Variants in NCKAP5 observed in about 807,000 individuals in gnomAD.
NCKAP5 encodes NCK associated protein 5.
A neutral mutation model predicts 167.0 loss-of-function variants in NCKAP5; 92 were observed. The observed-to-expected ratio is 0.55, with a 90% CI of 0.47 to 0.66. The LOEUF is 0.66. Ranked by LOEUF, NCKAP5 falls within the 30% of genes least tolerant of loss-of-function variation. NCKAP5 has a pLI of 0.00. For synonymous variants in NCKAP5, 891 were observed against 877.4 expected, an observed-to-expected ratio of 1.02 and a Z score of -0.27; for missense variants, 2,378 against 2,315.0, an observed-to-expected ratio of 1.03 and a Z score of -0.56.
chr2:132,725,568 T>C (rs923830232), intron 19 of NCKAP5, 59 bp downstream of exon 19: 6 of 1,546,770 alleles, frequency 3.9e-6, no homozygotes, highest in African/African-American at 1.4e-5. Flanking sequence ...GTGAAAGGTA[T>C]AATCAGCGGC....
chr2:133,152,715 T>C (rs2083425760), intron 5 of NCKAP5, among the ~76,000 whole-genome samples: 1 of 152,212 alleles, frequency 6.6e-6, no homozygotes, highest in African/African-American at 2.4e-5. Flanking sequence ...ATTCCAAGTA[T>C]AGTCATGTGC....
At chr2:133,022,367 G>C (rs1049582363) in intron 6 of NCKAP5, among the ~76,000 whole-genome samples, 3 of 152,178 alleles carry the variant, frequency 2.0e-5, no homozygotes, top group African/African-American at 4.8e-5. Context: ...TTCATTACTT[G>C]AGAGCAGGAA....
chr2:133,499,780 G>A (rs985569891), intron 3 of NCKAP5, among the ~76,000 whole-genome samples: 1 of 152,042 alleles, frequency 6.6e-6, no homozygotes, highest in Non-Finnish European at 1.5e-5. Context: ...GACTAGTCTC[G>A]AACTCCTGAC....
At chr2:133,047,784 C>A (rs1338782970) in intron 6 of NCKAP5, among the ~76,000 whole-genome samples, 1 of 152,154 alleles carries the variant, frequency 6.6e-6, no homozygotes, top group African/African-American at 2.4e-5. Flanking sequence ...TTACAACATC[C>A]ATTCACTTAC....
chr2:133,113,787 T>A (rs111519336), intron 6 of NCKAP5, among the ~76,000 whole-genome samples: 2 of 152,272 alleles, frequency 1.3e-5, no homozygotes, highest in African/African-American at 4.8e-5. Flanking sequence ...AGCTAGGGTG[T>A]ACACACATGT....
intron 6 of NCKAP5, among the ~76,000 whole-genome samples, chr2:132,996,821 C>T (rs1278102561): frequency 6.6e-6 from 1 of 152,222 alleles, no homozygotes; most frequent in Non-Finnish European, 1.5e-5. Flanking sequence ...CCTGTATGTT[C>T]AGACTGTGTC....
At chr2:132,699,741 T>C (rs1687702478) in intron 19 of NCKAP5, among the ~76,000 whole-genome samples, 1 of 152,238 alleles carries the variant, frequency 6.6e-6, no homozygotes, top group Non-Finnish European at 1.5e-5. Context: ...GATGGACATC[T>C]GGGTTGGTTC....
At chr2:133,309,480 G>T (rs1310845591) in intron 3 of NCKAP5, among the ~76,000 whole-genome samples, 1 of 152,134 alleles carries the variant, frequency 6.6e-6, no homozygotes, top group African/African-American at 2.4e-5. Context: ...GGGGCTGAAG[G>T]TGGGGGGCAC....
the NCKAP5 span, among the ~76,000 whole-genome samples, chr2:133,636,059 G>A: frequency 6.6e-6 from 1 of 152,234 alleles, no homozygotes; most frequent in South Asian, 2.1e-4. Flanking sequence ...AAAGCACAGA[G>A]CTTGATAGCT....
intron 9 of NCKAP5, among the ~76,000 whole-genome samples, chr2:132,871,716 G>A (rs6709364): frequency 0.49 from 74,889 of 151,950 alleles, 18,974 homozygotes; most frequent in East Asian, 0.81. Context: ...CCTCTTGAAA[G>A]CTGAACAAAG....
intron 3 of NCKAP5, among the ~76,000 whole-genome samples, chr2:133,482,029 A>T: frequency 6.6e-6 from 1 of 151,010 alleles, no homozygotes; most frequent in East Asian, 2.0e-4. Context: ...TCCACTCTTT[A>T]CCTCCTTATG....
At chr2:133,325,142 TTC>T (rs1202662594) in intron 3 of NCKAP5, among the ~76,000 whole-genome samples, 4 of 152,236 alleles carry the variant, frequency 2.6e-5, no homozygotes, top group Admixed American at 6.5e-5. Context: ...CACTGCCGTA[TTC>T]AATCTACCTG....
At chr2:133,357,284 CACAG>C in intron 3 of NCKAP5, among the ~76,000 whole-genome samples, 1 of 110,986 alleles carries the variant, frequency 9.0e-6, no homozygotes, top group Admixed American at 1.1e-4. Context: ...CACACACATA[CACAG>C]ACACACACAC....
intron 3 of NCKAP5, among the ~76,000 whole-genome samples, chr2:133,347,343 T>C (rs1376698562): frequency 1.3e-5 from 2 of 151,886 alleles, no homozygotes; most frequent in Non-Finnish European, 2.9e-5. Flanking sequence ...CACCTGAGGT[T>C]GGAAGTTCGA....
At chr2:133,643,021 T>C in the NCKAP5 span, among the ~76,000 whole-genome samples, 2 of 152,068 alleles carry the variant, frequency 1.3e-5, no homozygotes, top group Non-Finnish European at 2.9e-5. Flanking sequence ...TTTTTCTTTA[T>C]GGAATGAGAA....
At chr2:133,011,414 T>G (rs2078156128) in intron 6 of NCKAP5, among the ~76,000 whole-genome samples, 1 of 152,232 alleles carries the variant, frequency 6.6e-6, no homozygotes, top group South Asian at 2.1e-4. Context: ...GATTTAATTG[T>G]AAAGTGCAAA....
At position 133,476,344 on chromosome 2, in the gene NCKAP5, C is replaced by G. The variant is rs568977673; in HGVS notation, c.69+41114G>C. Among the ~76,000 whole-genome samples the G allele has an allele frequency of 1.1e-4, 16 of 152,304 alleles. No homozygotes were observed. In the East Asian group the frequency reaches 2.1e-3, roughly 20 times the overall value. ...AGGAAAAAACACTTTAAGATAATTGCAATTTTCTTCAATTATATAATATAA... is the reference window on the plus strand; with the variant it reads ...AGGAAAAAACACTTTAAGATAATTGGAATTTTCTTCAATTATATAATATAA... On this transcript the variant is annotated intron_variant, in intron 3 of 19. Transcript: ENST00000409261.
intron 16 of NCKAP5, among the ~76,000 whole-genome samples, chr2:132,735,731 G>A (rs1483156137): frequency 2.0e-5 from 3 of 152,120 alleles, no homozygotes; most frequent in Non-Finnish European, 4.4e-5. Flanking sequence ...TTCAAAAACC[G>A]AAGTAAGAAT....
intron 5 of NCKAP5, among the ~76,000 whole-genome samples, chr2:133,197,384 C>T (rs1267941608): frequency 6.6e-6 from 1 of 152,222 alleles, no homozygotes; most frequent in African/African-American, 2.4e-5. Flanking sequence ...CAGGTCAGAA[C>T]TTGAGGCCTG....
Sources: gnomAD v4.1 joint callset for allele counts (sites outside exome capture counted in the v4.1 genomes callset) on GRCh38, gnomAD v4.1.1 for gene constraint, MANE v1.5 for transcripts, NCBI Gene and HGNC (gene_info 2026-07-23, HGNC 2026-07-21) for gene names.